Variants in PHIP observed in about 807,000 individuals in gnomAD.
PHIP encodes PHIP subunit of CUL4-Ring ligase complex, also known as PH-interacting protein.
Under a neutral mutation model 236.8 loss-of-function variants are expected in PHIP, and 54 were observed. The observed-to-expected ratio is 0.23, with a 90% CI of 0.18 to 0.29. The LOEUF is 0.29. Among genes scored for constraint, PHIP ranks in the 10% least tolerant of loss-of-function variants. The pLI, the probability that PHIP is intolerant of heterozygous loss-of-function variation, is 1.00. For synonymous variants in PHIP, 756 were observed against 718.9 expected (o/e 1.05, Z -0.83); for missense variants, 1,370 against 2,190.8 (o/e 0.63, Z 7.48).
chr6:78,942,825 T>C (rs1773573508), intron 39 of PHIP, among the ~76,000 whole-genome samples: 2 of 152,214 alleles, frequency 1.3e-5, no homozygotes, highest in Admixed American at 6.5e-5. Flanking sequence ...TGTATGGATA[T>C]GTTTATGTAC....
chr6:78,958,198 G>A (rs920040227), intron 32 of PHIP: 1 of 238,308 alleles, frequency 4.2e-6, no homozygotes, highest in African/African-American at 2.2e-5. Context: ...GTTAGATTGA[G>A]AAAATAATCT....
chr6:79,043,569 T>C (rs9361483), intron 6 of PHIP, among the ~76,000 whole-genome samples: 44,621 of 151,934 alleles, frequency 0.29, 6,672 homozygotes, highest in Admixed American at 0.31. Context: ...TAATGATTCC[T>C]TCTCTGGAAT....
At chr6:78,966,087 C>A (rs1208877070) in intron 27 of PHIP, 31 bp from the exon 28 acceptor site, 1 of 1,298,320 alleles carries the variant, frequency 7.7e-7, no homozygotes, top group African/African-American at 1.5e-5. Context: ...ACTCATCATT[C>A]TGAAATGCAT....
At chr6:79,057,832 G>C (rs550775368) in intron 6 of PHIP, among the ~76,000 whole-genome samples, 1 of 151,966 alleles carries the variant, frequency 6.6e-6, no homozygotes, top group Admixed American at 6.6e-5. Context: ...CACTATGCAG[G>C]CAACTATTCT....
chr6:78,992,120 G>A (rs528850045), intron 19 of PHIP, among the ~76,000 whole-genome samples: 3 of 151,484 alleles, frequency 2.0e-5, no homozygotes, highest in Non-Finnish European at 2.9e-5. Context: ...CCGCCACCTC[G>A]CCCGGCTAAT....
chr6:79,076,888 G>A (rs1026309656), intron 4 of PHIP, among the ~76,000 whole-genome samples: 3 of 152,144 alleles, frequency 2.0e-5, no homozygotes, highest in Admixed American at 6.5e-5. Context: ...AAAAAACCCA[G>A]GACTGAATTT....
intron 8 of PHIP, 62 bp downstream of exon 8, chr6:79,025,881 T>C (rs1562189231): frequency 8.1e-7 from 1 of 1,234,738 alleles, no homozygotes; most frequent in Non-Finnish European, 1.2e-6. Flanking sequence ...GTGACTTCAT[T>C]AAATTTACTT....
At chr6:79,061,168 G>T (rs1249115391) in intron 4 of PHIP, among the ~76,000 whole-genome samples, 1 of 151,916 alleles carries the variant, frequency 6.6e-6, no homozygotes, top group Non-Finnish European at 1.5e-5. Flanking sequence ...AATTTATACC[G>T]GCATTTGAAA....
chr6:79,002,664 T>C (rs907395573), intron 16 of PHIP, among the ~76,000 whole-genome samples: 3 of 152,104 alleles, frequency 2.0e-5, no homozygotes, highest in Non-Finnish European at 4.4e-5. Flanking sequence ...ATGGAACATA[T>C]TCCCTGTGGA....
intron 4 of PHIP, 88 bp from the exon 5 acceptor site, chr6:79,060,906 G>T (rs1773336922): frequency 4.7e-6 from 4 of 854,584 alleles, no homozygotes; most frequent in South Asian, 4.0e-5. Context: ...ATTCATCCAA[G>T]TATAAAATAT....
intron 7 of PHIP, among the ~76,000 whole-genome samples, chr6:79,038,935 C>G (rs941230333): frequency 2.0e-5 from 3 of 152,166 alleles, no homozygotes. Flanking sequence ...ATCCTATACT[C>G]TTCCATCTCA....
chr6:78,964,346 C>A (rs1254558386), intron 29 of PHIP, among the ~76,000 whole-genome samples: 1 of 152,206 alleles, frequency 6.6e-6, no homozygotes, highest in Non-Finnish European at 1.5e-5. Context: ...TTATTTTCTC[C>A]AACAGTTATT....
At chr6:79,017,128 G>A (rs2127741988) in intron 12 of PHIP, among the ~76,000 whole-genome samples, 1 of 151,976 alleles carries the variant, frequency 6.6e-6, no homozygotes, top group South Asian at 2.1e-4. Context: ...GATTTAAAAA[G>A]CAGTAATTAC....
intron 19 of PHIP, among the ~76,000 whole-genome samples, chr6:78,994,819 A>G (rs1331616662): frequency 1.3e-5 from 2 of 152,230 alleles, no homozygotes; most frequent in African/African-American, 2.4e-5. Flanking sequence ...ACCAGCAAGA[A>G]GAGTATAATC....
rs1304036559 is a variant in PHIP at position 79,077,739 on chromosome 6, C to T, written c.100-10G>A. On this transcript the variant is annotated splice_polypyrimidine_tract_variant and intron_variant, in intron 2 of 39. Coordinates refer to ENST00000275034, the MANE Select transcript of PHIP (RefSeq NM_017934.7). ...CCTCGCGGATCAGCACCTGCAACAA[C>T]AAAGCGGGGAGAGCTGAGCCCCGCG... is the stretch of plus-strand genomic sequence containing the variant. 3.0e-6 allele frequency: 3 copies of T among 1,009,904 alleles called. No individual in the cohort carries two copies. The East Asian group carries it at 3.2e-4, about 109-fold the overall frequency. 62.6% of individuals were successfully genotyped at this position (1,009,904 alleles called of 1,614,324 possible). A position where few individuals can be genotyped will look rare whatever the true frequency, so the allele number is the denominator to read the frequency against.
chr6:79,032,024 T>G (rs953880180), intron 7 of PHIP, among the ~76,000 whole-genome samples: 4 of 152,150 alleles, frequency 2.6e-5, no homozygotes, highest in Non-Finnish European at 5.9e-5. Flanking sequence ...CCACACAAAT[T>G]TTTTGGTTTC....
intron 4 of PHIP, among the ~76,000 whole-genome samples, chr6:79,075,645 CA>C (rs1235447098): frequency 8.5e-6 from 1 of 118,172 alleles, no homozygotes; most frequent in African/African-American, 3.3e-5. Context: ...AAAAAAAAAA[CA>C]AAAAAACAAA....
At chr6:78,990,807 C>A (rs974038330) in intron 20 of PHIP, 61 bp downstream of exon 20, 5 of 840,760 alleles carry the variant, frequency 5.9e-6, no homozygotes, top group African/African-American at 5.2e-5. Context: ...CAAAATGGAG[C>A]CTTAAAATGG....
At chr6:79,062,097 G>T (rs1490182710) in intron 4 of PHIP, among the ~76,000 whole-genome samples, 3 of 152,086 alleles carry the variant, frequency 2.0e-5, no homozygotes, top group Non-Finnish European at 4.4e-5. Flanking sequence ...TAGGTGATAA[G>T]CCAGTAAAAT....
Sources: gnomAD v4.1 joint callset for allele counts (sites outside exome capture counted in the v4.1 genomes callset) on GRCh38, gnomAD v4.1.1 for gene constraint, MANE v1.5 for transcripts, NCBI Gene and HGNC (gene_info 2026-07-23, HGNC 2026-07-21) for gene names.